TOX3: variants seen among roughly 807,000 people sequenced by gnomAD.
The protein encoded by TOX3 is CAG trinucleotide repeat-containing gene F9 protein.
Under a neutral mutation model 64.3 loss-of-function variants are expected in TOX3, and 22 were observed. That is an observed-to-expected ratio of 0.34 (90% CI 0.24 to 0.49). TOX3 has a LOEUF of 0.49. Among genes scored for constraint, TOX3 ranks in the 20% least tolerant of loss-of-function variants. The pLI is 0.99. For missense variants in TOX3, 661 were observed against 714.4 expected (o/e 0.93, Z 0.85); for synonymous variants, 291 against 273.6 (o/e 1.06, Z -0.63).
chr16:52,458,040 C>T (rs898154213), intron 3 of TOX3, among the ~76,000 whole-genome samples: 1 of 152,162 alleles, frequency 6.6e-6, no homozygotes, highest in African/African-American at 2.4e-5. Context: ...AGGGACAACT[C>T]CACACTTATT....
chr16:52,515,410 A>G (rs1417664504), intron 1 of TOX3, among the ~76,000 whole-genome samples: 7 of 152,146 alleles, frequency 4.6e-5, no homozygotes, highest in African/African-American at 1.7e-4. Flanking sequence ...AAATCATTCC[A>G]TGTCTTATTT....
chr16:52,484,583 A>G (rs1325254654), intron 1 of TOX3, among the ~76,000 whole-genome samples: 3 of 152,210 alleles, frequency 2.0e-5, no homozygotes, highest in Non-Finnish European at 4.4e-5. Flanking sequence ...CATTCTTACA[A>G]CAAATATATT....
chr16:52,495,165 A>G (rs1216118281), intron 1 of TOX3, among the ~76,000 whole-genome samples: 1 of 152,216 alleles, frequency 6.6e-6, no homozygotes, highest in Non-Finnish European at 1.5e-5. Flanking sequence ...AAAGCAATGT[A>G]ACAAAACCCC....
intron 1 of TOX3, among the ~76,000 whole-genome samples, chr16:52,489,685 T>A (rs4784219): frequency 0.49 from 75,151 of 151,904 alleles, 19,176 homozygotes; most frequent in East Asian, 0.75. Context: ...GCAAATTTCT[T>A]ACTCCTTCTG....
At chr16:52,506,123 C>T (rs956502179) in intron 1 of TOX3, among the ~76,000 whole-genome samples, 1 of 152,116 alleles carries the variant, frequency 6.6e-6, no homozygotes, top group Non-Finnish European at 1.5e-5. Context: ...GTGTTAAATG[C>T]TAAGGCTATT....
At chr16:52,523,101 A>G (rs919326159) in intron 1 of TOX3, among the ~76,000 whole-genome samples, 2 of 152,220 alleles carry the variant, frequency 1.3e-5, no homozygotes, top group African/African-American at 4.8e-5. Context: ...AGGAGGACGG[A>G]GAGTATCAGG....
At chr16:52,446,827 A>G (rs1960177907) in intron 4 of TOX3, among the ~76,000 whole-genome samples, 1 of 152,226 alleles carries the variant, frequency 6.6e-6, no homozygotes, top group Non-Finnish European at 1.5e-5. Flanking sequence ...AATTTTCTGA[A>G]GATTAACAGC....
intron 1 of TOX3, among the ~76,000 whole-genome samples, chr16:52,520,244 A>C (rs1305128227): frequency 2.6e-5 from 4 of 152,228 alleles, no homozygotes; most frequent in Non-Finnish European, 5.9e-5. Context: ...TTTTCCAATA[A>C]AATTGTGTAA....
chr16:52,459,611 T>A (rs1485766479), intron 3 of TOX3, among the ~76,000 whole-genome samples: 1 of 152,180 alleles, frequency 6.6e-6, no homozygotes, highest in African/African-American at 2.4e-5. Context: ...TAAATAGTCA[T>A]CATCCTGTGA....
intron 1 of TOX3, among the ~76,000 whole-genome samples, chr16:52,479,607 G>GT (rs1418576110): frequency 6.6e-6 from 1 of 152,210 alleles, no homozygotes; most frequent in Non-Finnish European, 1.5e-5. Context: ...GTCTGTTATG[G>GT]TTTTTGTGAG....
chr16:52,547,125 G>T lies in TOX3; in HGVS notation c.-402C>A. ...TCCTCCTCCTCCCCGGGCGGACTGA[G>T]GAGACGAGCCGCGGAGACAAGGGGC... On this transcript the variant is annotated 5_prime_UTR_variant, in exon 1 of 7. Coordinates refer to ENST00000219746, the MANE Select transcript of TOX3 (RefSeq NM_001080430.4). The T allele has an allele frequency of 5.2e-6, 1 of 193,606 alleles. No individual in the cohort carries two copies. The highest frequency in any genetic ancestry group is 9.2e-6 in the Non-Finnish European group (1 of 108,526). 12.0% of individuals were successfully genotyped at this position (193,606 alleles called of 1,614,324 possible). A position where few individuals can be genotyped will look rare whatever the true frequency, so the allele number is the denominator to read the frequency against.
chr16:52,473,884 A>G (rs370253350), intron 1 of TOX3, among the ~76,000 whole-genome samples: 2 of 152,216 alleles, frequency 1.3e-5, no homozygotes, highest in Non-Finnish European at 2.9e-5. Flanking sequence ...TTATGTATAC[A>G]CACAAGCATA....
At chr16:52,489,506 C>A (rs1374049238) in intron 1 of TOX3, among the ~76,000 whole-genome samples, 1 of 152,122 alleles carries the variant, frequency 6.6e-6, no homozygotes, top group African/African-American at 2.4e-5. Context: ...TCAGCTATCA[C>A]CCTCTGGAAA....
At chr16:52,519,259 T>C (rs1962534852) in intron 1 of TOX3, 3 of 773,798 alleles carry the variant, frequency 3.9e-6, no homozygotes, top group Non-Finnish European at 2.0e-6. Flanking sequence ...TATTTGAATC[T>C]ACACCTCATT....
At chr16:52,532,982 C>T in intron 1 of TOX3, among the ~76,000 whole-genome samples, 1 of 152,126 alleles carries the variant, frequency 6.6e-6, no homozygotes, top group East Asian at 1.9e-4. Context: ...TTTGATCTGT[C>T]AAGGCAGAGC....
At chr16:52,489,305 C>G (rs45607742) in intron 1 of TOX3, among the ~76,000 whole-genome samples, 2,083 of 152,234 alleles carry the variant, frequency 0.014, 20 homozygotes, top group South Asian at 0.017. Context: ...TCCCCTAAAC[C>G]CACTAACTAT....
intron 6 of TOX3, among the ~76,000 whole-genome samples, chr16:52,442,382 C>T (rs942990744): frequency 2.6e-5 from 4 of 152,176 alleles, no homozygotes; most frequent in Admixed American, 2.6e-4. Flanking sequence ...GAGTTCTCCT[C>T]TCTTGGGCAC....
In TOX3 at chr16:52,438,674, A is replaced by T. The variant is rs1215441716; in HGVS notation, c.*551T>A. ...TTTCTGGAGAGATTTAGGAAAAAAA[A>T]TAAGAGCTTTGGCAAAAGTCTGTGA... On this transcript the variant is annotated 3_prime_UTR_variant, in exon 7 of 7. Transcript: ENST00000219746. The T allele has an allele frequency of 5.6e-6, 1 of 178,838 alleles. No individual in the cohort carries two copies. The highest frequency in any genetic ancestry group is 1.2e-5 in the Non-Finnish European group (1 of 83,996). 11.1% of individuals were successfully genotyped at this position (178,838 alleles called of 1,614,324 possible).
chr16:52,472,110 C>A (rs796120122), intron 1 of TOX3, among the ~76,000 whole-genome samples: 1 of 152,164 alleles, frequency 6.6e-6, no homozygotes, highest in African/African-American at 2.4e-5. Flanking sequence ...TTGGGAAAGG[C>A]TGACTTCCCT....
Sources: allele counts gnomAD v4.1 joint callset (sites outside exome capture counted in the v4.1 genomes callset), GRCh38; gene constraint gnomAD v4.1.1; transcripts MANE v1.5; gene names NCBI Gene and HGNC (gene_info 2026-07-23, HGNC 2026-07-21).